MYO3B: variants seen among roughly 807,000 people sequenced by gnomAD.
MYO3B encodes myosin IIIB.
MYO3B carries 156 observed loss-of-function variants against 174.6 expected under a neutral mutation model. The ratio of observed to expected loss-of-function variants is 0.89; its 90% CI spans 0.78 to 1.02. The LOEUF is 1.02. Ranked by LOEUF, MYO3B falls within the 50% of genes least tolerant of loss-of-function variation. The probability of loss-of-function intolerance (pLI) is 0.00; values close to 1 mark genes in which losing one functional copy is unlikely to be tolerated. For synonymous variants in MYO3B, 563 were observed against 569.1 expected (o/e 0.99, Z 0.15); for missense variants, 1,632 against 1,639.4 (o/e 1.00, Z 0.08).
intron 7 of MYO3B, among the ~76,000 whole-genome samples, chr2:170,262,651 C>T (rs1292110365): frequency 6.6e-6 from 1 of 152,120 alleles, no homozygotes; most frequent in East Asian, 1.9e-4. Context: ...TGATCCTTGT[C>T]CACGTTTGGG....
At chr2:170,354,308 A>G (rs2094102671) in intron 8 of MYO3B, among the ~76,000 whole-genome samples, 1 of 152,112 alleles carries the variant, frequency 6.6e-6, no homozygotes, top group Non-Finnish European at 1.5e-5. Context: ...TCCCCAGAGC[A>G]CAGTGGCCTG....
chr2:170,212,255 A>AG (rs1265113199), intron 3 of MYO3B, among the ~76,000 whole-genome samples: 3 of 151,976 alleles, frequency 2.0e-5, no homozygotes, highest in Non-Finnish European at 4.4e-5. Context: ...AAAAAAAAAA[A>AG]AAAAAAGTCT....
Position 170,514,973 on chromosome 2 carries a change from G to A in MYO3B, c.3423G>A (p.Thr1141=), listed in dbSNP as rs538996533. 56 of 1,614,076 alleles carry A rather than the reference G, an allele frequency of 3.5e-5. No homozygotes were observed. The Admixed American group carries it at 6.7e-4, about 19-fold the overall frequency. Residue 1141 remains threonine, a synonymous_variant, in exon 29 of 35, where the codon ACG becomes ACA. Transcript: ENST00000408978. ...CACATTCCCCCGTCGCAGCAGGTAC[G>A]AGGGGAAGTGCCGAGGTTCAAGACT... ...SGPHSPVAAG[T]RGSAEVQDCS...
At chr2:170,232,435 G>C (rs2093025499) in intron 6 of MYO3B, among the ~76,000 whole-genome samples, 3 of 152,202 alleles carry the variant, frequency 2.0e-5, no homozygotes, top group Non-Finnish European at 2.9e-5. Flanking sequence ...TCCTGAATGA[G>C]AGACCCCCAA....
At chr2:170,246,143 A>G (rs900668085) in intron 7 of MYO3B, among the ~76,000 whole-genome samples, 4 of 152,222 alleles carry the variant, frequency 2.6e-5, no homozygotes, top group African/African-American at 9.7e-5. Flanking sequence ...TGAAACAACT[A>G]TCAGACCCTT....
intron 22 of MYO3B, among the ~76,000 whole-genome samples, chr2:170,436,784 G>A (rs2094757643): frequency 6.6e-6 from 1 of 152,112 alleles, no homozygotes; most frequent in Admixed American, 6.5e-5. Flanking sequence ...ACTCTTCAAA[G>A]GTAAAAAGTG....
At chr2:170,471,808 G>A (rs1446832442) in intron 25 of MYO3B, among the ~76,000 whole-genome samples, 1 of 151,874 alleles carries the variant, frequency 6.6e-6, no homozygotes, top group Non-Finnish European at 1.5e-5. Flanking sequence ...CCTGATTAAC[G>A]TGGAGAAACC....
Position 170,383,633 on chromosome 2 carries a change from T to C in MYO3B, c.1186-77T>C, listed in dbSNP as rs1443754995. ...ACAAGTACCCTAATAAGTGACAGAT[T>C]CTTGGTTTCATGGGCAATAGGTAGT... On this transcript the variant is annotated intron_variant, in intron 11 of 34. Transcript: ENST00000408978. 38 of 1,099,012 alleles carry C rather than the reference T, an allele frequency of 3.5e-5. No individual in the cohort carries two copies. The South Asian group carries it at 3.7e-4, about 11-fold the overall frequency. The allele number at this position is 1,099,012 out of a possible 1,614,324, so 68.1% of individuals were successfully genotyped here.
intron 25 of MYO3B, among the ~76,000 whole-genome samples, chr2:170,495,427 A>G (rs1280822894): frequency 6.6e-6 from 1 of 152,230 alleles, no homozygotes; most frequent in Non-Finnish European, 1.5e-5. Flanking sequence ...GTTTACATAT[A>G]GTACTGTTAC....
chr2:170,269,773 C>T (rs1246184800), intron 7 of MYO3B, among the ~76,000 whole-genome samples: 1 of 152,298 alleles, frequency 6.6e-6, no homozygotes, highest in East Asian at 1.9e-4. Context: ...TGTGGTAGAG[C>T]TGTATGTCCT....
intron 32 of MYO3B, among the ~76,000 whole-genome samples, chr2:170,646,473 C>A (rs1471126121): frequency 6.6e-6 from 1 of 151,820 alleles, no homozygotes; most frequent in East Asian, 2.0e-4. Context: ...CGGCTCACTG[C>A]AACCCCTGCC....
At chr2:170,619,734 A>ATTTTTTTTTTT (rs1553539465) in intron 32 of MYO3B, among the ~76,000 whole-genome samples, 26 of 33,530 alleles carry the variant, frequency 7.8e-4, no homozygotes, top group Non-Finnish European at 1.2e-3. Context: ...CTGCTGCCAT[A>ATTTTTTTTTTT]TTCTTTTTTT....
intron 32 of MYO3B, among the ~76,000 whole-genome samples, chr2:170,613,809 A>G (rs11685404): frequency 0.32 from 48,825 of 151,838 alleles, 8,040 homozygotes; most frequent in East Asian, 0.49. Flanking sequence ...CACATCTTTC[A>G]CCCATGCTGG....
intron 1 of MYO3B, among the ~76,000 whole-genome samples, chr2:170,186,721 A>G (rs1297437485): frequency 1.3e-5 from 2 of 152,168 alleles, no homozygotes; most frequent in African/African-American, 4.8e-5. Context: ...TTAAATGTTT[A>G]GTAAAATTCA....
chr2:170,237,857 G>A (rs1473672444), intron 7 of MYO3B, among the ~76,000 whole-genome samples: 2 of 152,148 alleles, frequency 1.3e-5, no homozygotes, highest in African/African-American at 4.8e-5. Flanking sequence ...CTGTGCAAAT[G>A]ATGAATCAGA....
At chr2:170,613,383 A>T (rs1695238840) in intron 32 of MYO3B, among the ~76,000 whole-genome samples, 1 of 152,208 alleles carries the variant, frequency 6.6e-6, no homozygotes, top group Admixed American at 6.5e-5. Context: ...CGCACACCTC[A>T]GTCCTTCCAT....
chr2:170,514,600 G>C (rs565598312), intron 28 of MYO3B, among the ~76,000 whole-genome samples: 11 of 152,322 alleles, frequency 7.2e-5, no homozygotes, highest in African/African-American at 2.2e-4. Flanking sequence ...CTCATGACCT[G>C]TGTTTGTCAC....
At chr2:170,574,090 A>G (rs981995864) in intron 32 of MYO3B, among the ~76,000 whole-genome samples, 11 of 152,164 alleles carry the variant, frequency 7.2e-5, no homozygotes, top group Non-Finnish European at 1.5e-5. Flanking sequence ...CTGCTTCAGA[A>G]CCCTGAAGCA....
intron 32 of MYO3B, among the ~76,000 whole-genome samples, chr2:170,595,632 T>A (rs117858413): frequency 0.02 from 3,024 of 151,954 alleles, 42 homozygotes; most frequent in Middle Eastern, 0.044. Context: ...AGAGATGGGG[T>A]CTCGTCATGT....
Sources: gnomAD v4.1 joint callset for allele counts (sites outside exome capture counted in the v4.1 genomes callset) on GRCh38, gnomAD v4.1.1 for gene constraint, MANE v1.5 for transcripts, NCBI Gene and HGNC (gene_info 2026-07-23, HGNC 2026-07-21) for gene names.